The following LINGO2 variants were observed in gnomAD, a reference collection of about 807,000 sequenced individuals.
LINGO2 encodes the protein leucine rich repeat and Ig domain containing 2, also known as leucine-rich repeat and immunoglobulin-like domain-containing nogo receptor-interacting protein 2.
In LINGO2, 14 loss-of-function variants were observed where a neutral mutation model predicts 30.6. The observed-to-expected ratio is 0.46, with a 90% confidence interval of 0.30 to 0.72. The LOEUF (loss-of-function observed/expected upper bound fraction) is 0.72, where lower values mean the gene tolerates loss of function less well. Ranked by LOEUF, LINGO2 falls within the 30% of genes least tolerant of loss-of-function variation. The pLI, the probability that LINGO2 is intolerant of heterozygous loss-of-function variation, is 0.07. For synonymous variants in LINGO2, 317 were observed against 288.5 expected, an observed-to-expected ratio of 1.10 and a Z score of -1.00; for missense variants, 729 against 751.7, an observed-to-expected ratio of 0.97 and a Z score of 0.35.
chr9:28,086,043 C>T (rs940654197), intron 4 of LINGO2, among the ~76,000 whole-genome samples: 1 of 151,952 alleles, frequency 6.6e-6, no homozygotes, highest in African/African-American at 2.4e-5. Context: ...TTTACATATG[C>T]TTACCTGTAC....
At chr9:28,100,275 G>T (rs1014197143) in intron 4 of LINGO2, among the ~76,000 whole-genome samples, 4 of 152,100 alleles carry the variant, frequency 2.6e-5, no homozygotes, top group Non-Finnish European at 5.9e-5. Context: ...ACACATTTCA[G>T]AGCAACAAAA....
intron 4 of LINGO2, among the ~76,000 whole-genome samples, chr9:28,161,434 T>C (rs1278467688): frequency 1.3e-5 from 2 of 152,140 alleles, no homozygotes; most frequent in Non-Finnish European, 2.9e-5. Context: ...TGACAATAAT[T>C]TTTTCATTCA....
chr9:28,618,622 A>C (rs1826245642), intron 1 of LINGO2, among the ~76,000 whole-genome samples: 1 of 152,118 alleles, frequency 6.6e-6, no homozygotes, highest in South Asian at 2.1e-4. Flanking sequence ...TTATATATTC[A>C]GTTTCTTTCT....
At chr9:29,155,192 C>T in the LINGO2 span, among the ~76,000 whole-genome samples, 1 of 151,984 alleles carries the variant, frequency 6.6e-6, no homozygotes, top group South Asian at 2.1e-4. Context: ...AAATAATGCC[C>T]TTAAGGTTTT....
At chr9:28,027,943 ATAT>A (rs1823463569) in intron 4 of LINGO2, among the ~76,000 whole-genome samples, 2 of 152,134 alleles carry the variant, frequency 1.3e-5, no homozygotes, top group African/African-American at 4.8e-5. Flanking sequence ...GTGGTGGGCC[ATAT>A]CCAATTAAAG....
At chr9:28,110,619 C>A (rs1826748435) in intron 4 of LINGO2, among the ~76,000 whole-genome samples, 1 of 152,082 alleles carries the variant, frequency 6.6e-6, no homozygotes, top group Admixed American at 6.5e-5. Context: ...ATTCATGCAG[C>A]CAACTAACGT....
chr9:28,440,176 G>T (rs1824136089), intron 2 of LINGO2, among the ~76,000 whole-genome samples: 1 of 152,080 alleles, frequency 6.6e-6, no homozygotes, highest in African/African-American at 2.4e-5. Flanking sequence ...TTTTTAAAGA[G>T]TAAAATTATA....
chr9:28,888,457 C>T, the LINGO2 span, among the ~76,000 whole-genome samples: 1 of 152,064 alleles, frequency 6.6e-6, no homozygotes, highest in East Asian at 1.9e-4. Flanking sequence ...ACAATCTCAA[C>T]ATTTATATAC....
At position 28,051,249 on chromosome 9, in the gene LINGO2, TCAGA is replaced by T. The variant is rs765186624; in HGVS notation, c.-86-38848_-86-38845del. ...TCTCCAAAGTGAAGACTGAAAACTATCAGAAAGAATATAGCTAGATACAGTATTG... is the reference window on the plus strand; with the variant it reads ...TCTCCAAAGTGAAGACTGAAAACTATAAGAATATAGCTAGATACAGTATTG... On this transcript the variant is annotated intron_variant, in intron 4 of 5. Transcript: ENST00000379992. Among the ~76,000 whole-genome samples, 38 of 152,110 alleles carry T rather than the reference TCAGA, an allele frequency of 2.5e-4. 3 individuals are homozygous for T. The highest frequency in any genetic ancestry group is 5.1e-4 in the Non-Finnish European group (35 of 67,976).
At chr9:28,760,894 GTA>G in the LINGO2 span, among the ~76,000 whole-genome samples, 1 of 148,692 alleles carries the variant, frequency 6.7e-6, no homozygotes, top group African/African-American at 2.5e-5. Flanking sequence ...ATATATATGT[GTA>G]TATATATGTA....
intron 3 of LINGO2, among the ~76,000 whole-genome samples, chr9:28,328,687 A>T (rs1156416114): frequency 6.6e-6 from 1 of 152,182 alleles, no homozygotes; most frequent in Admixed American, 6.5e-5. Flanking sequence ...TAATGTGCCA[A>T]ATTTCCTTAA....
the LINGO2 span, among the ~76,000 whole-genome samples, chr9:28,896,206 C>A: frequency 6.6e-6 from 1 of 152,132 alleles, no homozygotes; most frequent in Non-Finnish European, 1.5e-5. Flanking sequence ...AACCATAAGA[C>A]AATGCAGGCA....
At chr9:28,474,939 A>T (rs772742937) in intron 2 of LINGO2, among the ~76,000 whole-genome samples, 45 of 152,266 alleles carry the variant, frequency 3.0e-4, no homozygotes, top group Middle Eastern at 3.4e-3. Context: ...ATAAATCTGT[A>T]TATTTTCTGT....
Position 28,164,211 on chromosome 9 carries a change from G to A in LINGO2, c.-87+130997C>T, listed in dbSNP as rs552907296. Reference sequence around the variant, plus strand: ...AGAGGTGATTATTTTGACATCTGAAGGTACAGCTAAACCCAGGATTCATGT... The same window carrying A: ...AGAGGTGATTATTTTGACATCTGAAAGTACAGCTAAACCCAGGATTCATGT... On this transcript the variant is annotated intron_variant, in intron 4 of 5. Transcript: ENST00000379992. Among the ~76,000 whole-genome samples, 27 of 152,146 alleles carry A rather than the reference G, an allele frequency of 1.8e-4. No individual in the cohort carries two copies. The South Asian group carries it at 5.6e-3, about 32-fold the overall frequency.
At chr9:27,952,499 A>T (rs1407026704) in intron 5 of LINGO2, among the ~76,000 whole-genome samples, 2 of 151,972 alleles carry the variant, frequency 1.3e-5, no homozygotes, top group African/African-American at 2.4e-5. Context: ...AGAAACAGTA[A>T]AAAAATTATG....
intron 4 of LINGO2, among the ~76,000 whole-genome samples, chr9:28,277,625 G>A (rs1285197938): frequency 6.6e-6 from 1 of 152,028 alleles, no homozygotes; most frequent in Non-Finnish European, 1.5e-5. Context: ...CCAACATGGT[G>A]AAACCCTGTC....
At chr9:28,109,864 CT>C (rs1479661558) in intron 4 of LINGO2, among the ~76,000 whole-genome samples, 1 of 152,088 alleles carries the variant, frequency 6.6e-6, no homozygotes, top group Non-Finnish European at 1.5e-5. Flanking sequence ...CTACTGTTGA[CT>C]TTATTCACAG....
chr9:28,450,096 A>G (rs1824591591), intron 2 of LINGO2, among the ~76,000 whole-genome samples: 1 of 152,072 alleles, frequency 6.6e-6, no homozygotes. Context: ...CCGGTATGCA[A>G]GATGACTGAA....
chr9:28,352,019 C>A (rs1819919446), intron 3 of LINGO2, among the ~76,000 whole-genome samples: 2 of 151,068 alleles, frequency 1.3e-5, no homozygotes, highest in Admixed American at 1.3e-4. Flanking sequence ...TAAGAGCTAT[C>A]TATGACAAAC....
Sources: allele counts gnomAD v4.1 joint callset (sites outside exome capture counted in the v4.1 genomes callset), GRCh38; gene constraint gnomAD v4.1.1; transcripts MANE v1.5; gene names NCBI Gene and HGNC (gene_info 2026-07-23, HGNC 2026-07-21).